The following CTTNBP2NL variants were observed in gnomAD, a reference collection of about 807,000 sequenced individuals.
The protein encoded by CTTNBP2NL is CTTNBP2 N-terminal like, also known as CTTNBP2 N-terminal-like protein.
A neutral mutation model predicts 32.5 loss-of-function variants in CTTNBP2NL; 16 were observed. That is an observed-to-expected ratio of 0.49 (90% CI 0.33 to 0.75). The LOEUF (loss-of-function observed/expected upper bound fraction) is 0.75, where lower values mean the gene tolerates loss of function less well. Among genes scored for constraint, CTTNBP2NL ranks in the 30% least tolerant of loss-of-function variants. The pLI is 0.02. For synonymous variants in CTTNBP2NL, 298 were observed against 289.4 expected, an observed-to-expected ratio of 1.03 and a Z score of -0.30; for missense variants, 645 against 756.0, an observed-to-expected ratio of 0.85 and a Z score of 1.72.
At chr1:112,436,097 T>G (rs1649721519) in intron 3 of CTTNBP2NL, among the ~76,000 whole-genome samples, 2 of 151,934 alleles carry the variant, frequency 1.3e-5, no homozygotes, top group African/African-American at 4.8e-5. Context: ...GTTTTATTGT[T>G]GCTTGTTTGT....
At chr1:112,437,744 C>T (rs1031792434) in intron 3 of CTTNBP2NL, among the ~76,000 whole-genome samples, 4 of 152,124 alleles carry the variant, frequency 2.6e-5, no homozygotes, top group African/African-American at 4.8e-5. Context: ...AGGATGGTCT[C>T]GATCTCCTGA....
rs1248415609 is a variant in CTTNBP2NL at position 112,456,976 on chromosome 1, C to G, written c.1484C>G (p.Ser495Cys). 6.2e-7 allele frequency: 1 copy of G among 1,614,178 alleles called. No homozygotes were observed. Among genetic ancestry groups the G allele is most frequent in the African/African-American group, 1.3e-5 (1 of 75,038 alleles). Reference protein sequence around the residue: ...RDLSPTLIDNSAAKQLARNTV... With the variant: ...RDLSPTLIDNCAAKQLARNTV... Reference sequence around the variant, plus strand: ...TTATCCCCCACCCTCATAGACAACTCTGCCGCCAAGCAGCTGGCCCGAAAC... The same window carrying G: ...TTATCCCCCACCCTCATAGACAACTGTGCCGCCAAGCAGCTGGCCCGAAAC... Residue 495 changes from serine (S) to cysteine (C), a missense_variant, in exon 6 of 6, where the codon TCT (serine) becomes TGT (cysteine). Transcript: ENST00000271277.
At chr1:112,430,016 A>C (rs548482414) in intron 3 of CTTNBP2NL, among the ~76,000 whole-genome samples, 4 of 152,252 alleles carry the variant, frequency 2.6e-5, no homozygotes, top group Non-Finnish European at 5.9e-5. Context: ...CTAGCAGAAA[A>C]GGGCCAAAAG....
chr1:112,436,085 CT>C (rs1649720984), intron 3 of CTTNBP2NL, among the ~76,000 whole-genome samples: 1 of 139,556 alleles, frequency 7.2e-6, no homozygotes, highest in Non-Finnish European at 1.6e-5. Context: ...TTTTTTTGTC[CT>C]GTTTTATTGT....
At chr1:112,425,300 G>A (rs1401950659) in intron 3 of CTTNBP2NL, among the ~76,000 whole-genome samples, 7 of 150,974 alleles carry the variant, frequency 4.6e-5, no homozygotes, top group South Asian at 2.1e-4. Context: ...GTGAAACCCC[G>A]TCTCTACTAA....
intron 1 of CTTNBP2NL, among the ~76,000 whole-genome samples, chr1:112,398,817 C>CAAAA (rs3033224): frequency 3.2e-5 from 3 of 93,592 alleles, no homozygotes; most frequent in Admixed American, 2.6e-4. Context: ...TGTCTCTTAA[C>CAAAA]AAAAAAAAAA....
At chr1:112,421,310 C>CTTTT (rs34750717) in intron 3 of CTTNBP2NL, among the ~76,000 whole-genome samples, 3 of 115,934 alleles carry the variant, frequency 2.6e-5, no homozygotes, top group African/African-American at 6.4e-5. Flanking sequence ...CATTTCTTTT[C>CTTTT]TTTTTTTTTT....
chr1:112,398,508 A>C (rs111673947), intron 1 of CTTNBP2NL, among the ~76,000 whole-genome samples: 2,073 of 152,296 alleles, frequency 0.014, 44 homozygotes, highest in African/African-American at 0.047. Context: ...GGGTAGACTG[A>C]AAGGCAATGT....
chr1:112,456,322 T>C lies in CTTNBP2NL; in HGVS notation c.830T>C (p.Leu277Pro), dbSNP rs765628500. ...MESLKKIVKD[L>P]EASHQHSSPN... ...AGTTTAAAGAAGATAGTGAAGGACC[T>C]AGAGGCTTCCCACCAGCACAGTAGC... The change falls in exon 6 of 6, where the codon CTA (leucine) becomes CCA (proline). Residue 277 changes from leucine to proline, a missense_variant. Transcript: ENST00000271277. The C allele has an allele frequency of 2.5e-6, 4 of 1,613,934 alleles. No individual in the cohort carries two copies. Among genetic ancestry groups the C allele is most frequent in the Non-Finnish European group, 3.4e-6 (4 of 1,180,000 alleles).
At chr1:112,432,507 CTCT>C (rs1649598125) in intron 3 of CTTNBP2NL, among the ~76,000 whole-genome samples, 2 of 152,072 alleles carry the variant, frequency 1.3e-5, no homozygotes, top group African/African-American at 4.8e-5. Context: ...TATTAAGTCT[CTCT>C]TCTTACTGAT....
intron 1 of CTTNBP2NL, among the ~76,000 whole-genome samples, chr1:112,398,133 C>A (rs1048160740): frequency 2.6e-5 from 4 of 152,144 alleles, no homozygotes; most frequent in Admixed American, 6.5e-5. Context: ...TGTATTATAT[C>A]AACAGAGAAC....
At chr1:112,399,567 T>C (rs1648435213) in intron 1 of CTTNBP2NL, among the ~76,000 whole-genome samples, 1 of 152,172 alleles carries the variant, frequency 6.6e-6, no homozygotes, top group Non-Finnish European at 1.5e-5. Context: ...ACATTTGCAG[T>C]GCTACCAGTT....
At chr1:112,433,380 G>A (rs1360121923) in intron 3 of CTTNBP2NL, among the ~76,000 whole-genome samples, 1 of 152,166 alleles carries the variant, frequency 6.6e-6, no homozygotes, top group East Asian at 1.9e-4. Context: ...GATTACTTGA[G>A]GTCAGGAGTT....
intron 1 of CTTNBP2NL, chr1:112,396,617 C>G (rs1332670262): frequency 6.6e-6 from 1 of 152,426 alleles, no homozygotes; most frequent in East Asian, 1.9e-4. Context: ...GCCCCCAACC[C>G]CATTTCGTAC....
intron 5 of CTTNBP2NL, among the ~76,000 whole-genome samples, chr1:112,455,076 CAGTT>C (rs1264165764): frequency 3.3e-5 from 5 of 152,164 alleles, no homozygotes; most frequent in Admixed American, 2.0e-4. Flanking sequence ...AGTCGTGGCT[CAGTT>C]AGTTTCCCCA....
chr1:112,423,221 T>C (rs945123831), intron 3 of CTTNBP2NL, among the ~76,000 whole-genome samples: 5 of 152,190 alleles, frequency 3.3e-5, no homozygotes, highest in South Asian at 4.1e-4. Context: ...TTATCAAATA[T>C]ATGCCTTGCA....
At chr1:112,448,806 G>T (rs945362300) in intron 3 of CTTNBP2NL, 136 bp from the exon 4 acceptor site, 2 of 610,590 alleles carry the variant, frequency 3.3e-6, no homozygotes, top group African/African-American at 1.9e-5. Flanking sequence ...TCTTTAGATG[G>T]CTCAATCTGA....
At chr1:112,406,747 T>C (rs1244445479) in intron 1 of CTTNBP2NL, among the ~76,000 whole-genome samples, 2 of 152,256 alleles carry the variant, frequency 1.3e-5, no homozygotes, top group African/African-American at 2.4e-5. Context: ...TGATTATTGC[T>C]GATAGTATAT....
chr1:112,403,482 T>C (rs985469831), intron 1 of CTTNBP2NL, among the ~76,000 whole-genome samples: 1 of 152,192 alleles, frequency 6.6e-6, no homozygotes, highest in Non-Finnish European at 1.5e-5. Flanking sequence ...TTCAGAGTCT[T>C]GTGAGACAGA....
Sources: gnomAD v4.1 joint callset for allele counts (sites outside exome capture counted in the v4.1 genomes callset) on GRCh38, gnomAD v4.1.1 for gene constraint, MANE v1.5 for transcripts, NCBI Gene and HGNC (gene_info 2026-07-23, HGNC 2026-07-21) for gene names.